Variants in ADAMTS9 observed in about 807,000 individuals in gnomAD.
ADAMTS9 encodes the protein ADAM metallopeptidase with thrombospondin type 1 motif 9, also known as A disintegrin and metalloproteinase with thrombospondin motifs 9.
A neutral mutation model predicts 257.1 loss-of-function variants in ADAMTS9; 107 were observed. That is an observed-to-expected ratio of 0.42 (90% confidence interval 0.36 to 0.49). The LOEUF (loss-of-function observed/expected upper bound fraction) is 0.49, where lower values mean the gene tolerates loss of function less well. ADAMTS9 is among the 20% of genes least tolerant of loss of function. ADAMTS9 has a pLI of 0.03. For synonymous variants in ADAMTS9, 982 were observed against 880.9 expected (o/e 1.11, Z -2.03); for missense variants, 2,353 against 2,469.1 (o/e 0.95, Z 1.00).
chr3:64,558,300 A>C (rs1432897534), intron 30 of ADAMTS9, among the ~76,000 whole-genome samples: 1 of 152,192 alleles, frequency 6.6e-6, no homozygotes, highest in Non-Finnish European at 1.5e-5. Flanking sequence ...TAACCTACCT[A>C]AGCCGCAAGT....
intron 12 of ADAMTS9, among the ~76,000 whole-genome samples, chr3:64,639,320 A>ATTTT (rs1398579949): frequency 6.8e-6 from 1 of 147,154 alleles, no homozygotes; most frequent in African/African-American, 2.5e-5. Context: ...TTTAAAAAAA[A>ATTTT]AAAAAAAAAA....
At chr3:64,636,992 C>G (rs1304636031) in intron 12 of ADAMTS9, among the ~76,000 whole-genome samples, 1 of 152,186 alleles carries the variant, frequency 6.6e-6, no homozygotes, top group Admixed American at 6.5e-5. Flanking sequence ...AGCTCAAGAC[C>G]TGGCCTCTCT....
chr3:64,583,539 G>C (rs1043602453), intron 28 of ADAMTS9: 2 of 152,152 alleles, frequency 1.3e-5, no homozygotes, highest in African/African-American at 4.8e-5. Context: ...TGTTGGGGTT[G>C]TGCTGTGCAT....
chr3:64,673,317 T>A (rs773643634), intron 3 of ADAMTS9, among the ~76,000 whole-genome samples: 2 of 152,172 alleles, frequency 1.3e-5, no homozygotes, highest in Non-Finnish European at 2.9e-5. Flanking sequence ...GAGAAGTGGC[T>A]TAATGGCCCA....
intron 30 of ADAMTS9, among the ~76,000 whole-genome samples, chr3:64,558,699 G>A (rs1030688613): frequency 9.9e-5 from 15 of 152,102 alleles, no homozygotes; most frequent in African/African-American, 3.4e-4. Flanking sequence ...CCAACAAACT[G>A]GTGGGTTTTA....
chr3:64,673,522 A>C (rs1393476151), intron 3 of ADAMTS9, among the ~76,000 whole-genome samples: 3 of 152,234 alleles, frequency 2.0e-5, no homozygotes, highest in African/African-American at 7.2e-5. Flanking sequence ...TGACGACAAC[A>C]AAGTGAAAAG....
intron 22 of ADAMTS9, among the ~76,000 whole-genome samples, chr3:64,612,232 G>A (rs2084677263): frequency 6.6e-6 from 1 of 152,166 alleles, no homozygotes; most frequent in Non-Finnish European, 1.5e-5. Flanking sequence ...ATTATAAGAT[G>A]TGCTAGGAAT....
In ADAMTS9 at chr3:64,681,303, C is replaced by G. The variant is rs1414061841; in HGVS notation, c.577G>C (p.Glu193Gln). The G allele has an allele frequency of 1.2e-6, 2 of 1,613,914 alleles. No homozygotes were observed. The highest frequency in any genetic ancestry group is 1.7e-6 in the Non-Finnish European group (2 of 1,179,960). ...YFIEPLQSMDEQEDEEEQNKP... is the reference protein window; with the variant it reads ...YFIEPLQSMDQQEDEEEQNKP... Reference sequence around the variant, plus strand: ...TTTTGTTCCTCTTCATCTTCTTGTTCATCCATAGACTGTAGTGGTTCAATA... The same window carrying G: ...TTTTGTTCCTCTTCATCTTCTTGTTGATCCATAGACTGTAGTGGTTCAATA... Residue 193 changes from glutamate to glutamine, a missense_variant, in exon 3 of 40, where the codon GAA (glutamate) becomes CAA (glutamine). Physicochemically the swap from Glu to Gln is conservative, Grantham distance 29. Coordinates refer to ENST00000498707, the MANE Select transcript of ADAMTS9 (RefSeq NM_182920.2).
chr3:64,613,846 T>G (rs1264199911), intron 21 of ADAMTS9, among the ~76,000 whole-genome samples: 1 of 152,192 alleles, frequency 6.6e-6, no homozygotes, highest in Non-Finnish European at 1.5e-5. Flanking sequence ...AACACTTATA[T>G]AACCAGTCAC....
chr3:64,613,327 T>C lies in ADAMTS9; in HGVS notation c.3354+18A>G. ...AAGGAAAGAATGTAGCAGTTAAGAA[T>C]CTTATCGTTCAAAATACCTGTCCCC... On this transcript the variant is annotated intron_variant, in intron 22 of 39. Coordinates refer to ENST00000498707, the MANE Select transcript of ADAMTS9 (RefSeq NM_182920.2). 1 of 1,611,340 alleles carries C rather than the reference T, an allele frequency of 6.2e-7. No homozygotes were observed. The highest frequency in any genetic ancestry group is 8.5e-7 in the Non-Finnish European group (1 of 1,178,634).
intron 11 of ADAMTS9, 63 bp from the exon 12 acceptor site, chr3:64,642,056 G>A: frequency 1.3e-6 from 2 of 1,581,354 alleles, no homozygotes; most frequent in Non-Finnish European, 8.7e-7. Flanking sequence ...AGGACTGGCT[G>A]TCCTTTTAAA....
Position 64,687,601 on chromosome 3 carries a change from C to A in ADAMTS9, c.57G>T (p.Glu19Asp). The change falls in exon 1 of 40, where the codon GAG (glutamate) becomes GAT (aspartate). Residue 19 changes from glutamate (E) to aspartate (D), a missense_variant. This residue lies in a region of ADAMTS9 where 591 missense variants were observed against 569.6 expected (regional missense o/e 1.04). Coordinates refer to ENST00000498707, the MANE Select transcript of ADAMTS9 (RefSeq NM_182920.2). The surrounding 1 kb of genome is among the most constrained non-coding windows in gnomAD (Gnocchi z 4.4). ...LLTLLVRDLA[E>D]MGSPDAAAAV... is the part of the protein sequence containing the mutation. ...CCGCCGCGGCGTCTGGGCTCCCCATCTCGGCCAGGTCCCGCACCAGGAGCG... is the reference window on the plus strand; with the variant it reads ...CCGCCGCGGCGTCTGGGCTCCCCATATCGGCCAGGTCCCGCACCAGGAGCG... The A allele has an allele frequency of 6.3e-7, 1 of 1,585,000 alleles. No homozygotes were observed. The highest frequency in any genetic ancestry group is 8.6e-7 in the Non-Finnish European group (1 of 1,167,044).
At position 64,524,675 on chromosome 3, in the gene ADAMTS9, C is replaced by T. The variant is rs192334895; in HGVS notation, c.5719-2415G>A. On this transcript the variant is annotated intron_variant, in intron 38 of 39. Transcript: ENST00000498707. ...CAAATTTGTTTTCTCTCTTGACATA[C>T]AAATATACCATTGATTTTGCCTCTT... is the stretch of plus-strand genomic sequence containing the variant. Among the ~76,000 whole-genome samples the T allele has an allele frequency of 1.4e-4, 21 of 152,278 alleles. No individual in the cohort carries two copies. The East Asian group carries it at 1.7e-3, about 13-fold the overall frequency.
chr3:64,687,597 C>A lies in ADAMTS9; in HGVS notation c.61G>T (p.Gly21Trp). ...TLLVRDLAEMGSPDAAAAVRK... is the reference protein window; with the variant it reads ...TLLVRDLAEMWSPDAAAAVRK... ...ACGGCCGCCGCGGCGTCTGGGCTCCCCATCTCGGCCAGGTCCCGCACCAGG... is the reference window on the plus strand; with the variant it reads ...ACGGCCGCCGCGGCGTCTGGGCTCCACATCTCGGCCAGGTCCCGCACCAGG... Residue 21 changes from glycine (G) to tryptophan (W), a missense_variant, in exon 1 of 40, where the codon GGG (glycine) becomes TGG (tryptophan). By Grantham distance (184) the Gly-to-Trp change is radical (BLOSUM62 -2). This residue lies in a region of ADAMTS9 where 591 missense variants were observed against 569.6 expected (regional missense o/e 1.04). Coordinates refer to ENST00000498707, the MANE Select transcript of ADAMTS9 (RefSeq NM_182920.2). This position sits in a 1 kb window ranked among gnomAD's most constrained non-coding sequence, Gnocchi z 4.4. The A allele has an allele frequency of 1.3e-6, 2 of 1,583,638 alleles. No homozygotes were observed. Among genetic ancestry groups the A allele is most frequent in the East Asian group, 2.3e-5 (1 of 43,420 alleles).
chr3:64,669,061 C>T (rs1701419717), intron 3 of ADAMTS9, among the ~76,000 whole-genome samples: 1 of 152,136 alleles, frequency 6.6e-6, no homozygotes, highest in African/African-American at 2.4e-5. Flanking sequence ...GCTCCAATGA[C>T]CAGTGAACCT....
chr3:64,624,235 G>A (rs900496280), intron 16 of ADAMTS9, among the ~76,000 whole-genome samples: 1 of 151,012 alleles, frequency 6.6e-6, no homozygotes, highest in Non-Finnish European at 1.5e-5. Flanking sequence ...TAAACAAAGA[G>A]AGTGGGAAAG....
intron 3 of ADAMTS9, among the ~76,000 whole-genome samples, chr3:64,667,832 G>A (rs756350027): frequency 2.0e-5 from 3 of 152,120 alleles, no homozygotes; most frequent in African/African-American, 7.2e-5. Context: ...AAAGCAACCC[G>A]ATATGGTAGG....
intron 12 of ADAMTS9, 112 bp from the exon 13 acceptor site, chr3:64,633,991 C>T: frequency 9.9e-7 from 1 of 1,009,758 alleles, no homozygotes; most frequent in East Asian, 2.6e-5. Context: ...TCTAGGGTGG[C>T]AAATGACAGA....
chr3:64,573,689 C>G (rs1312118948), intron 28 of ADAMTS9, among the ~76,000 whole-genome samples: 1 of 152,202 alleles, frequency 6.6e-6, no homozygotes, highest in East Asian at 1.9e-4. Context: ...AAAATCACAG[C>G]TCATCTGGAA....
Sources: allele counts gnomAD v4.1 joint callset (sites outside exome capture counted in the v4.1 genomes callset), GRCh38; gene constraint gnomAD v4.1.1; regional missense constraint gnomAD v4.1.1; non-coding constraint Gnocchi (gnomAD v3.1); transcripts MANE v1.5; gene names NCBI Gene and HGNC (gene_info 2026-07-23, HGNC 2026-07-21).